Variants in EPB41L4A observed in about 807,000 individuals in gnomAD.
EPB41L4A encodes the protein erythrocyte membrane protein band 4.1 like 4A.
In EPB41L4A, 100 loss-of-function variants were observed where a neutral mutation model predicts 108.6. The observed-to-expected ratio is 0.92, with a 90% CI of 0.78 to 1.09. The LOEUF is 1.09. EPB41L4A is among the 50% of genes least tolerant of loss of function. EPB41L4A has a pLI of 0.00. For missense variants in EPB41L4A, 1,030 were observed against 842.7 expected, an observed-to-expected ratio of 1.22 and a Z score of -2.75; for synonymous variants, 319 against 289.0, an observed-to-expected ratio of 1.10 and a Z score of -1.05.
intron 1 of EPB41L4A, among the ~76,000 whole-genome samples, chr5:112,412,480 A>G (rs567500553): frequency 6.6e-6 from 1 of 152,356 alleles, no homozygotes; most frequent in East Asian, 1.9e-4. Flanking sequence ...CAGAGGACAC[A>G]GGAATGCAAT....
chr5:112,398,480 C>G (rs1761519005), intron 1 of EPB41L4A, among the ~76,000 whole-genome samples: 1 of 152,148 alleles, frequency 6.6e-6, no homozygotes, highest in Non-Finnish European at 1.5e-5. Context: ...CCTCTGCCTC[C>G]CGGGTTCAAG....
At chr5:112,194,996 C>T (rs1412113837) in intron 16 of EPB41L4A, among the ~76,000 whole-genome samples, 1 of 152,008 alleles carries the variant, frequency 6.6e-6, no homozygotes, top group African/African-American at 2.4e-5. Context: ...ATCTTGTAAC[C>T]CTCCCATCCG....
intron 1 of EPB41L4A, among the ~76,000 whole-genome samples, chr5:112,376,853 T>G (rs1759854706): frequency 6.6e-6 from 1 of 152,112 alleles, no homozygotes; most frequent in Non-Finnish European, 1.5e-5. Context: ...GAGAATAGAT[T>G]CTTGGTTGCC....
chr5:112,302,175 C>T (rs1026219988), intron 2 of EPB41L4A, among the ~76,000 whole-genome samples: 2 of 152,032 alleles, frequency 1.3e-5, no homozygotes, highest in Non-Finnish European at 2.9e-5. Flanking sequence ...AATTTCAATT[C>T]TCAACCTAAA....
At chr5:112,371,115 G>A (rs1230879673) in intron 1 of EPB41L4A, among the ~76,000 whole-genome samples, 1 of 152,088 alleles carries the variant, frequency 6.6e-6, no homozygotes, top group Non-Finnish European at 1.5e-5. Context: ...TTTAATTTAG[G>A]AAAACTGTGG....
At chr5:112,353,901 G>C (rs1758211256) in intron 1 of EPB41L4A, among the ~76,000 whole-genome samples, 1 of 152,186 alleles carries the variant, frequency 6.6e-6, no homozygotes, top group Non-Finnish European at 1.5e-5. Flanking sequence ...CGGAGAGGTG[G>C]CACCAGGTAA....
At chr5:112,171,089 T>C (rs1760554650) in intron 18 of EPB41L4A, 97 bp from the exon 19 acceptor site, 2 of 1,097,390 alleles carry the variant, frequency 1.8e-6, no homozygotes, top group Admixed American at 1.9e-5. Flanking sequence ...AAGTTCTTAT[T>C]TGCCAGCTGA....
chr5:112,180,058 A>T (rs1022841098), intron 18 of EPB41L4A, among the ~76,000 whole-genome samples: 6 of 152,184 alleles, frequency 3.9e-5, no homozygotes, highest in Non-Finnish European at 8.8e-5. Context: ...TCTGAAATAT[A>T]ACAAAATAAA....
At chr5:112,339,542 A>ATATATATATT (rs371198329) in intron 1 of EPB41L4A, among the ~76,000 whole-genome samples, 12 of 110,666 alleles carry the variant, frequency 1.1e-4, no homozygotes, top group African/African-American at 3.5e-4. Flanking sequence ...ATATATATAT[A>ATATATATATT]TTTTTTTTTT....
intron 22 of EPB41L4A, among the ~76,000 whole-genome samples, chr5:112,168,382 C>A (rs1760376302): frequency 6.6e-6 from 1 of 152,184 alleles, no homozygotes; most frequent in African/African-American, 2.4e-5. Flanking sequence ...CAAAGTGAGT[C>A]TATCACTTTC....
chr5:112,266,751 G>A (rs916572812), intron 4 of EPB41L4A, among the ~76,000 whole-genome samples: 1 of 152,100 alleles, frequency 6.6e-6, no homozygotes, highest in Non-Finnish European at 1.5e-5. Flanking sequence ...GCTCTTACTG[G>A]GAGGAAGAAA....
At chr5:112,248,201 G>A (rs1389445703) in intron 9 of EPB41L4A, among the ~76,000 whole-genome samples, 1 of 152,184 alleles carries the variant, frequency 6.6e-6, no homozygotes, top group African/African-American at 2.4e-5. Context: ...AATAAATTCT[G>A]TGTACTTTTG....
intron 12 of EPB41L4A, among the ~76,000 whole-genome samples, chr5:112,222,821 G>A (rs1748161400): frequency 6.6e-6 from 1 of 152,170 alleles, no homozygotes; most frequent in African/African-American, 2.4e-5. Flanking sequence ...AGAGAAGAGA[G>A]GAGCAAGTCC....
intron 12 of EPB41L4A, among the ~76,000 whole-genome samples, chr5:112,214,607 CA>C (rs556673281): frequency 1.3e-5 from 2 of 152,010 alleles, no homozygotes; most frequent in African/African-American, 4.8e-5. Flanking sequence ...ACTAAAAATA[CA>C]AAAAAAATTT....
chr5:112,303,678 G>A (rs1272627797), intron 2 of EPB41L4A, among the ~76,000 whole-genome samples: 1 of 152,172 alleles, frequency 6.6e-6, no homozygotes, highest in Non-Finnish European at 1.5e-5. Flanking sequence ...AGTAAGACAA[G>A]GACTGACAGA....
intron 4 of EPB41L4A, among the ~76,000 whole-genome samples, chr5:112,269,924 C>CT (rs1267433340): frequency 2.6e-5 from 4 of 152,156 alleles, no homozygotes; most frequent in Non-Finnish European, 2.9e-5. Context: ...GTCTTCCACT[C>CT]TATCTGTACT....
chr5:112,203,399 T>C (rs1762311396), intron 15 of EPB41L4A, among the ~76,000 whole-genome samples: 1 of 151,932 alleles, frequency 6.6e-6, no homozygotes, highest in South Asian at 2.1e-4. Flanking sequence ...AAGGAAAAAG[T>C]CATTTATACA....
intron 14 of EPB41L4A, 44 bp from the exon 15 acceptor site, chr5:112,204,532 T>A: frequency 7.4e-7 from 1 of 1,357,244 alleles, no homozygotes; most frequent in South Asian, 1.2e-5. Context: ...AGAGAGTTCC[T>A]GGGGGAAAAC....
chr5:112,356,507 A>G (rs2150745784), intron 1 of EPB41L4A, among the ~76,000 whole-genome samples: 1 of 152,370 alleles, frequency 6.6e-6, no homozygotes, highest in South Asian at 2.1e-4. Context: ...AGCACCTGAT[A>G]TGAAGATACT....
Sources: allele counts gnomAD v4.1 joint callset (sites outside exome capture counted in the v4.1 genomes callset), GRCh38; gene constraint gnomAD v4.1.1; transcripts MANE v1.5; gene names NCBI Gene and HGNC (gene_info 2026-07-23, HGNC 2026-07-21).